The following LPP variants were observed in gnomAD, a reference collection of about 807,000 sequenced individuals.
LPP encodes the protein lipoma-preferred partner.
LPP carries 38 observed loss-of-function variants against 60.4 expected under a neutral mutation model. The observed-to-expected ratio is 0.63, with a 90% CI of 0.49 to 0.83. The LOEUF is 0.83. LPP is among the 40% of genes least tolerant of loss of function. The probability of loss-of-function intolerance (pLI) is 0.00; values close to 1 mark genes in which losing one functional copy is unlikely to be tolerated. For missense variants in LPP, 902 were observed against 783.6 expected (o/e 1.15, Z -1.80); for synonymous variants, 328 against 290.8 (o/e 1.13, Z -1.30).
chr3:188,542,304 A>G (rs1239840338), intron 6 of LPP, among the ~76,000 whole-genome samples: 1 of 152,204 alleles, frequency 6.6e-6, no homozygotes, highest in Non-Finnish European at 1.5e-5. Flanking sequence ...GCGCTATACA[A>G]AGATTATTTT....
At chr3:188,300,903 T>C (rs762911967) in intron 2 of LPP, among the ~76,000 whole-genome samples, 3 of 152,200 alleles carry the variant, frequency 2.0e-5, no homozygotes, top group Non-Finnish European at 4.4e-5. Flanking sequence ...TAAATGAAGA[T>C]TGAAGGAGTA....
At chr3:188,537,284 A>G (rs1416391812) in intron 6 of LPP, among the ~76,000 whole-genome samples, 1 of 151,848 alleles carries the variant, frequency 6.6e-6, no homozygotes, top group Non-Finnish European at 1.5e-5. Flanking sequence ...GTGGATAGAG[A>G]TGTATCTTTC....
chr3:188,848,013 G>A (rs895754448), intron 9 of LPP, among the ~76,000 whole-genome samples: 4 of 152,110 alleles, frequency 2.6e-5, no homozygotes, highest in South Asian at 2.1e-4. Context: ...GGACCCTGAC[G>A]GTAAGCATCT....
At chr3:188,607,612 A>G (rs1436320573) in intron 6 of LPP, among the ~76,000 whole-genome samples, 3 of 151,776 alleles carry the variant, frequency 2.0e-5, no homozygotes, top group Non-Finnish European at 4.4e-5. Flanking sequence ...TGGTGCTTCC[A>G]AGCATTTATT....
At chr3:188,397,104 G>T (rs1446949907) in intron 3 of LPP, among the ~76,000 whole-genome samples, 1 of 152,152 alleles carries the variant, frequency 6.6e-6, no homozygotes, top group Non-Finnish European at 1.5e-5. Context: ...TTACTTCTGT[G>T]CCCTATTCCA....
At chr3:188,230,419 G>A (rs759535245) in intron 2 of LPP, among the ~76,000 whole-genome samples, 7 of 152,084 alleles carry the variant, frequency 4.6e-5, no homozygotes, top group Non-Finnish European at 1.0e-4. Context: ...CAGGCCTTAC[G>A]CTGAGTGCTT....
intron 4 of LPP, among the ~76,000 whole-genome samples, chr3:188,410,829 C>T (rs1343606990): frequency 1.3e-5 from 2 of 152,040 alleles, no homozygotes; most frequent in Non-Finnish European, 2.9e-5. Flanking sequence ...TCTGAGATTT[C>T]GGTGTGCCCA....
intron 3 of LPP, among the ~76,000 whole-genome samples, chr3:188,401,789 T>C (rs942721054): frequency 1.3e-5 from 2 of 152,174 alleles, no homozygotes; most frequent in Non-Finnish European, 2.9e-5. Flanking sequence ...CAGAGCACCA[T>C]GTGACGAATA....
At chr3:188,652,593 A>G (rs1580709985) in intron 7 of LPP, among the ~76,000 whole-genome samples, 2 of 152,296 alleles carry the variant, frequency 1.3e-5, no homozygotes, top group South Asian at 2.1e-4. Flanking sequence ...AATTCTGGGG[A>G]ATATCTGTAG....
At chr3:188,585,764 G>A (rs757167113) in intron 6 of LPP, among the ~76,000 whole-genome samples, 7 of 152,200 alleles carry the variant, frequency 4.6e-5, no homozygotes, top group Non-Finnish European at 7.4e-5. Context: ...TTTGTTTTAT[G>A]TCTGAAGTTC....
intron 7 of LPP, among the ~76,000 whole-genome samples, chr3:188,616,267 G>A (rs1354443183): frequency 1.3e-5 from 2 of 152,128 alleles, no homozygotes; most frequent in African/African-American, 4.8e-5. Flanking sequence ...TTTGTATAAG[G>A]TGTAAGGAAG....
At chr3:188,552,492 A>G (rs1233749104) in intron 6 of LPP, among the ~76,000 whole-genome samples, 1 of 152,164 alleles carries the variant, frequency 6.6e-6, no homozygotes, top group Non-Finnish European at 1.5e-5. Flanking sequence ...GGTGTCTTAA[A>G]ACATCACAAA....
intron 6 of LPP, 67 bp downstream of exon 6, chr3:188,524,854 A>C: frequency 6.7e-7 from 1 of 1,499,868 alleles, no homozygotes. Flanking sequence ...CAGAAAGAAC[A>C]TGCTGCACCT....
At chr3:188,301,781 G>A (rs1158055642) in intron 2 of LPP, among the ~76,000 whole-genome samples, 1 of 151,962 alleles carries the variant, frequency 6.6e-6, no homozygotes, top group African/African-American at 2.4e-5. Flanking sequence ...AGCCTCTCAA[G>A]TACCTTGGAC....
intron 5 of LPP, among the ~76,000 whole-genome samples, chr3:188,519,233 G>A (rs1818224024): frequency 6.6e-6 from 1 of 152,120 alleles, no homozygotes; most frequent in South Asian, 2.1e-4. Flanking sequence ...GCATCACCAA[G>A]CATGGGCCAA....
chr3:188,639,903 C>G (rs1849689158), intron 7 of LPP, among the ~76,000 whole-genome samples: 1 of 151,962 alleles, frequency 6.6e-6, no homozygotes, highest in African/African-American at 2.4e-5. Flanking sequence ...AATAGGAACA[C>G]TTTTACACTG....
chr3:188,755,616 A>C (rs1409704663), intron 8 of LPP, among the ~76,000 whole-genome samples: 2 of 151,866 alleles, frequency 1.3e-5, no homozygotes, highest in African/African-American at 2.4e-5. Context: ...CCAGCCTGGG[A>C]AGCACAGCAA....
intron 2 of LPP, among the ~76,000 whole-genome samples, chr3:188,260,528 G>A (rs923095309): frequency 6.6e-6 from 1 of 151,994 alleles, no homozygotes; most frequent in Non-Finnish European, 1.5e-5. Context: ...GTCACTGATA[G>A]AAATTGTCAC....
intron 6 of LPP, among the ~76,000 whole-genome samples, chr3:188,601,965 G>A (rs1213043691): frequency 6.6e-6 from 1 of 150,638 alleles, no homozygotes; most frequent in Non-Finnish European, 1.5e-5. Context: ...CTATTTGAGA[G>A]GCTTTGACAC....
Sources: gnomAD v4.1 joint callset for allele counts (sites outside exome capture counted in the v4.1 genomes callset) on GRCh38, gnomAD v4.1.1 for gene constraint, MANE v1.5 for transcripts, NCBI Gene and HGNC (gene_info 2026-07-23, HGNC 2026-07-21) for gene names.